GNPAT: variants seen among roughly 807,000 people sequenced by gnomAD.
GNPAT encodes dihydroxyacetone phosphate acyltransferase.
In GNPAT, 30 loss-of-function variants were observed where a neutral mutation model predicts 78.4. That is an observed-to-expected ratio of 0.38 (90% CI 0.29 to 0.52). The LOEUF (loss-of-function observed/expected upper bound fraction) is 0.52, where lower values mean the gene tolerates loss of function less well. GNPAT is among the 20% of genes least tolerant of loss of function. GNPAT has a pLI of 0.84. For missense variants in GNPAT, 714 were observed against 812.2 expected (o/e 0.88, Z 1.47); for synonymous variants, 271 against 281.1 (o/e 0.96, Z 0.36).
chr1:231,262,948 T>C (rs1270075634), intron 4 of GNPAT, 96 bp downstream of exon 4: 2 of 900,354 alleles, frequency 2.2e-6, no homozygotes, highest in Non-Finnish European at 3.6e-6. Flanking sequence ...ATGATGAAAA[T>C]AGCCTCTCCT....
intron 1 of GNPAT, among the ~76,000 whole-genome samples, chr1:231,242,203 G>A (rs1472921178): frequency 3.9e-5 from 6 of 152,154 alleles, no homozygotes; most frequent in Non-Finnish European, 8.8e-5. Context: ...CAGACCTGGG[G>A]CAACTGGTTT....
chr1:231,274,361 T>C (rs1685652215), intron 12 of GNPAT, among the ~76,000 whole-genome samples: 1 of 152,220 alleles, frequency 6.6e-6, no homozygotes, highest in South Asian at 2.1e-4. Context: ...CTGTGTCTCA[T>C]GTCTTAATGA....
At chr1:231,265,672 A>T (rs1244631512) in intron 5 of GNPAT, 40 bp from the exon 6 acceptor site, 2 of 1,156,916 alleles carry the variant, frequency 1.7e-6, no homozygotes, top group South Asian at 1.2e-5. Flanking sequence ...TTTTGAGAGT[A>T]GGCAATGGGT....
At chr1:231,248,780 A>T (rs921412709) in intron 1 of GNPAT, among the ~76,000 whole-genome samples, 3 of 152,126 alleles carry the variant, frequency 2.0e-5, no homozygotes, top group African/African-American at 7.2e-5. Context: ...TTGTGTTTAT[A>T]TGTGTAAATT....
At position 231,276,167 on chromosome 1, in the gene GNPAT, C is replaced by G. The variant is rs2102829062; in HGVS notation, c.1970C>G (p.Pro657Arg). 1 of 1,426,204 alleles carries G rather than the reference C, an allele frequency of 7.0e-7. No individual in the cohort carries two copies. The highest frequency in any genetic ancestry group is 9.9e-7 in the Non-Finnish European group (1 of 1,010,300). 88.3% of individuals were successfully genotyped at this position (1,426,204 alleles called of 1,614,324 possible). ...NNNCIFNVNE[P>R]ATTKLEEMLG... ...AACTGTATATTTAATGTGAATGAAC[C>G]TGCCACAACCAAATTAGAAGAAATG... The change falls in exon 15 of 16, where the codon CCT becomes CGT. Residue 657 changes from proline (P) to arginine (R), a missense_variant. By Grantham distance (103) the Pro-to-Arg change is moderately radical. Transcript: ENST00000366647.
chr1:231,251,131 T>C lies in GNPAT; in HGVS notation c.249T>C (p.Tyr83=), dbSNP rs1173001200. Residue 83 remains tyrosine (Y), a synonymous_variant, in exon 2 of 16, where the codon TAT becomes TAC. Transcript: ENST00000366647. ...TTCTCAATTCTGAGGAGATTCATTA[T>C]GTCATTAAACAGGTAAGTGATTCCC... ...CSVLNSEEIH[Y]VIKQLSKESL... 2.5e-6 allele frequency: 4 copies of C among 1,576,230 alleles called. No homozygotes were observed. Among genetic ancestry groups the C allele is most frequent in the Admixed American group, 1.7e-5 (1 of 58,838 alleles).
chr1:231,266,245 G>A (rs376099037), intron 7 of GNPAT, 32 bp from the exon 8 acceptor site: 195 of 1,613,684 alleles, frequency 1.2e-4, no homozygotes, highest in African/African-American at 4.0e-5. Flanking sequence ...ACTGCTTTTC[G>A]TTTTCTTCCC....
chr1:231,263,511 C>A (rs1685282472), intron 4 of GNPAT, among the ~76,000 whole-genome samples: 1 of 152,170 alleles, frequency 6.6e-6, no homozygotes, highest in African/African-American at 2.4e-5. Flanking sequence ...CAAGGTTCAT[C>A]CATGTTGCAG....
chr1:231,265,169 C>T (rs142247796), intron 4 of GNPAT, 124 bp from the exon 5 acceptor site: 10 of 784,280 alleles, frequency 1.3e-5, no homozygotes, highest in Middle Eastern at 7.1e-4. Flanking sequence ...ACCTAGCCAA[C>T]ATAGCGAGAC....
chr1:231,272,943 C>A (rs1054993036), intron 11 of GNPAT, among the ~76,000 whole-genome samples: 2 of 152,174 alleles, frequency 1.3e-5, no homozygotes, highest in Non-Finnish European at 2.9e-5. Context: ...CCACTGCACT[C>A]CAGCCTGGTG....
chr1:231,269,605 C>T (rs1190107927), intron 9 of GNPAT, among the ~76,000 whole-genome samples: 1 of 152,122 alleles, frequency 6.6e-6, no homozygotes, highest in Non-Finnish European at 1.5e-5. Context: ...GTTCTCAGTG[C>T]TGTGATGGGC....
At chr1:231,272,688 C>T (rs1685601354) in intron 11 of GNPAT, among the ~76,000 whole-genome samples, 1 of 152,166 alleles carries the variant, frequency 6.6e-6, no homozygotes, top group Non-Finnish European at 1.5e-5. Context: ...AATCAGCACA[C>T]AGCCGGGCGC....
chr1:231,251,253 C>T (rs1684886901), intron 2 of GNPAT, 110 bp downstream of exon 2: 1 of 674,104 alleles, frequency 1.5e-6, no homozygotes, highest in Non-Finnish European at 2.6e-6. Flanking sequence ...GAGCTGTATT[C>T]ATCACATTTA....
At chr1:231,276,972 T>A (rs1685735465) in intron 15 of GNPAT, among the ~76,000 whole-genome samples, 1 of 152,146 alleles carries the variant, frequency 6.6e-6, no homozygotes, top group African/African-American at 2.4e-5. Flanking sequence ...AAATGTCTGT[T>A]GGGATTTGCG....
intron 1 of GNPAT, among the ~76,000 whole-genome samples, chr1:231,247,148 A>C (rs918587205): frequency 6.6e-6 from 1 of 151,778 alleles, no homozygotes; most frequent in African/African-American, 2.4e-5. Context: ...CCTGGGCAAC[A>C]GAGAGAGACT....
rs1248354030 is a variant in GNPAT, at chr1:231,275,501, A to G, written c.1937+3A>G. The G allele has an allele frequency of 6.5e-7, 1 of 1,545,850 alleles. No individual in the cohort carries two copies. The highest frequency in any genetic ancestry group is 1.1e-5 in the South Asian group (1 of 89,710). Reference sequence around the variant, plus strand: ...GGAGTAGTGGAGAAGAAGAAGATGTAAGTACTGTACAAGATCCCATGAGTG... The same window carrying G: ...GGAGTAGTGGAGAAGAAGAAGATGTGAGTACTGTACAAGATCCCATGAGTG... On this transcript the variant is annotated splice_donor_region_variant and intron_variant, in intron 14 of 15. Transcript: ENST00000366647.
At chr1:231,248,155 A>G (rs996768060) in intron 1 of GNPAT, among the ~76,000 whole-genome samples, 1 of 152,208 alleles carries the variant, frequency 6.6e-6, no homozygotes, top group Non-Finnish European at 1.5e-5. Context: ...CAAAAGTTTC[A>G]TTAGTAGTAA....
At chr1:231,270,421 G>C (rs1184952428) in intron 9 of GNPAT, among the ~76,000 whole-genome samples, 1 of 152,110 alleles carries the variant, frequency 6.6e-6, no homozygotes, top group Non-Finnish European at 1.5e-5. Context: ...TATGTAACTT[G>C]CTGTTAGAAA....
intron 11 of GNPAT, 71 bp from the exon 12 acceptor site, chr1:231,273,851 G>T (rs1401065217): frequency 8.4e-7 from 1 of 1,197,186 alleles, no homozygotes; most frequent in Non-Finnish European, 1.2e-6. Flanking sequence ...TAGATGAGGG[G>T]GTACATGTAT....
Sources: allele counts gnomAD v4.1 joint callset (sites outside exome capture counted in the v4.1 genomes callset), GRCh38; gene constraint gnomAD v4.1.1; transcripts MANE v1.5; gene names NCBI Gene and HGNC (gene_info 2026-07-23, HGNC 2026-07-21).